SHTN1: variants seen among roughly 807,000 people sequenced by gnomAD.
SHTN1 encodes shootin-1.
Under a neutral mutation model 83.1 loss-of-function variants are expected in SHTN1, and 42 were observed. The observed-to-expected ratio is 0.51, with a 90% CI of 0.39 to 0.65. The LOEUF is 0.65. SHTN1 is among the 30% of genes least tolerant of loss of function. The pLI is 0.00. For missense variants in SHTN1, 622 were observed against 737.8 expected, an observed-to-expected ratio of 0.84 and a Z score of 1.82; for synonymous variants, 224 against 247.7, an observed-to-expected ratio of 0.90 and a Z score of 0.90.
intron 1 of SHTN1, among the ~76,000 whole-genome samples, chr10:117,121,389 C>T (rs1426219048): frequency 1.3e-5 from 2 of 151,402 alleles, no homozygotes; most frequent in Non-Finnish European, 2.9e-5. Context: ...ACCAGCCTGG[C>T]CAACATGGTG....
At chr10:117,118,993 G>GT (rs1853887978) in intron 1 of SHTN1, among the ~76,000 whole-genome samples, 1 of 152,160 alleles carries the variant, frequency 6.6e-6, no homozygotes, top group Non-Finnish European at 1.5e-5. Flanking sequence ...GAAATATTAT[G>GT]TAACCATAAA....
rs1847054199 is a variant in SHTN1, at chr10:116,882,683, C to T, written c.*3661G>A. On this transcript the variant is annotated 3_prime_UTR_variant, in exon 17 of 17. Coordinates refer to ENST00000355371, the MANE Select transcript of SHTN1 (RefSeq NM_001127211.3). The stretch of plus-strand genomic sequence containing the variant: ...TAATTTTTATTAAGCACACTGAGGA[C>T]CTCTCCTTTTAAAGAGTACTAACAA... 6.6e-6 allele frequency: 1 copy of T among 152,076 alleles called. No individual in the cohort carries two copies. The highest frequency in any genetic ancestry group is 6.6e-5 in the Admixed American group (1 of 15,264). 9.4% of individuals were successfully genotyped at this position (152,076 alleles called of 1,614,324 possible).
chr10:116,901,755 C>A lies in SHTN1; in HGVS notation c.1673+10G>T. On this transcript the variant is annotated intron_variant, in intron 16 of 16. Transcript: ENST00000355371. Reference sequence around the variant, plus strand: ...CTATACACCACTTAGTAAAGAGCATCGTTACTTACTGAAACGTAACCTTGG... The same window carrying A: ...CTATACACCACTTAGTAAAGAGCATAGTTACTTACTGAAACGTAACCTTGG... 5 of 1,579,046 alleles carry A rather than the reference C, an allele frequency of 3.2e-6. No individual in the cohort carries two copies. The highest frequency in any genetic ancestry group is 4.3e-6 in the Non-Finnish European group (5 of 1,167,614).
In SHTN1 at chr10:117,048,793, T is replaced by C. The variant is rs184970812; in HGVS notation, c.-188-283A>G. Among the ~76,000 whole-genome samples the C allele has an allele frequency of 2.6e-3, 398 of 152,290 alleles. 2 individuals carry two copies. Among genetic ancestry groups the C allele is most frequent in the African/African-American group, 8.8e-3 (365 of 41,558 alleles). Reference sequence around the variant, plus strand: ...TGCATGCCAGGTAATACCCAGCCATTAGCACTAATTATCATGTTTCAGACA... The same window carrying C: ...TGCATGCCAGGTAATACCCAGCCATCAGCACTAATTATCATGTTTCAGACA... On this transcript the variant is annotated intron_variant, in intron 1 of 17. Transcript: ENST00000392901.
intron 1 of SHTN1, among the ~76,000 whole-genome samples, chr10:117,063,618 G>A (rs1157067034): frequency 6.6e-6 from 1 of 152,066 alleles, no homozygotes; most frequent in Non-Finnish European, 1.5e-5. Context: ...TTGCTCTTGA[G>A]AAAAATGCAA....
chr10:116,886,611 G>C (rs1192386858), intron 16 of SHTN1, 45 bp from the exon 17 acceptor site: 3 of 1,606,618 alleles, frequency 1.9e-6, no homozygotes, highest in South Asian at 1.1e-5. Flanking sequence ...AGCAGAGAGA[G>C]AAAATAGTTG....
rs1046904417 is a variant in SHTN1 at position 117,041,576 on chromosome 10, G to C, written c.-123+6869C>G. 2.6e-5 allele frequency among the ~76,000 whole-genome samples: 4 copies of C among 152,128 alleles called. 1 individual carries two copies. Among genetic ancestry groups the C allele is most frequent in the African/African-American group, 7.2e-5 (3 of 41,432 alleles). ...GCATATACACAGGCTTATAGTTCAA[G>C]AGGGAAAGGAGGTTCACTGGTTTAA... is the stretch of plus-strand genomic sequence containing the variant. On this transcript the variant is annotated intron_variant, in intron 2 of 17. Transcript: ENST00000392901.
rs368616557 is a variant in SHTN1 at position 117,048,108 on chromosome 10, C to A, written c.-123+337G>T. 1.3e-4 allele frequency among the ~76,000 whole-genome samples: 20 copies of A among 152,036 alleles called. No homozygotes were observed. In the East Asian group the frequency reaches 2.1e-3, roughly 16 times the overall value. Reference sequence around the variant, plus strand: ...GTGAAAAGAGGGATCCATAAGTCATCACATATATAAACAAACCCGAATAGT... The same window carrying A: ...GTGAAAAGAGGGATCCATAAGTCATAACATATATAAACAAACCCGAATAGT... On this transcript the variant is annotated intron_variant, in intron 2 of 17. Transcript: ENST00000392901.
At chr10:116,999,554 T>G (rs534075665) in intron 1 of SHTN1, among the ~76,000 whole-genome samples, 5 of 152,216 alleles carry the variant, frequency 3.3e-5, no homozygotes, top group African/African-American at 1.2e-4. Context: ...GATAGAATAG[T>G]TAATTGTACT....
At chr10:117,118,363 CAAAAAAAAAAAAAAAA>C (rs57432703) in intron 1 of SHTN1, among the ~76,000 whole-genome samples, 1 of 118,456 alleles carries the variant, frequency 8.4e-6, no homozygotes, top group Non-Finnish European at 1.7e-5. Flanking sequence ...TAATCCATTT[CAAAAAAAAAAAAAAAA>C]AAAAAAAAAC....
At position 117,088,355 on chromosome 10, in the gene SHTN1, T is replaced by C. The variant is rs1612710; in HGVS notation, c.-189+37952A>G. On this transcript the variant is annotated intron_variant, in intron 1 of 17. Coordinates refer to the SHTN1 transcript ENST00000392901. ...CTGATTAAAATTTAGAAATGTTTTGTTATAAGGCATTGCCTAAATATTGGT... is the reference window on the plus strand; with the variant it reads ...CTGATTAAAATTTAGAAATGTTTTGCTATAAGGCATTGCCTAAATATTGGT... Among the ~76,000 whole-genome samples the C allele has an allele frequency of 6.0e-4, 92 of 152,354 alleles. 1 individual carries two copies. Among genetic ancestry groups the C allele is most frequent in the African/African-American group, 2.1e-3 (88 of 41,590 alleles).
intron 10 of SHTN1, among the ~76,000 whole-genome samples, chr10:116,928,145 A>C (rs1351643885): frequency 4.6e-5 from 7 of 152,196 alleles, no homozygotes. Flanking sequence ...GAAAAGAAAA[A>C]AATTAAAAAC....
intron 2 of SHTN1, among the ~76,000 whole-genome samples, chr10:117,040,245 G>A (rs778925438): frequency 2.2e-4 from 33 of 152,110 alleles, no homozygotes; most frequent in Non-Finnish European, 3.4e-4. Flanking sequence ...TTAAGAAGAA[G>A]AATGGAGGAC....
chr10:116,908,699 T>C (rs1038314548), intron 14 of SHTN1, among the ~76,000 whole-genome samples: 1 of 152,234 alleles, frequency 6.6e-6, no homozygotes, highest in Non-Finnish European at 1.5e-5. Flanking sequence ...CATACATACA[T>C]ACATACCTTT....
chr10:116,899,036 A>G (rs1015359089), intron 16 of SHTN1, among the ~76,000 whole-genome samples: 7 of 152,174 alleles, frequency 4.6e-5, no homozygotes, highest in Admixed American at 3.9e-4. Flanking sequence ...TCTTACGCAG[A>G]TCATACTGAA....
At chr10:116,979,371 G>T in intron 1 of SHTN1, 63 bp from the exon 2 acceptor site, 1 of 1,308,382 alleles carries the variant, frequency 7.6e-7, no homozygotes, top group Non-Finnish European at 1.1e-6. Flanking sequence ...GGCAACCTGG[G>T]GAATCCAACT....
chr10:117,094,532 C>T (rs1302037208), intron 1 of SHTN1, among the ~76,000 whole-genome samples: 2 of 152,138 alleles, frequency 1.3e-5, no homozygotes, highest in East Asian at 3.9e-4. Flanking sequence ...TTCTTTAGAA[C>T]ACTTGGGTCA....
At chr10:116,960,299 C>T (rs1035748293) in intron 3 of SHTN1, 69 bp from the exon 4 acceptor site, 13 of 850,776 alleles carry the variant, frequency 1.5e-5, no homozygotes, top group Middle Eastern at 2.2e-4. Flanking sequence ...GCCCACGCAT[C>T]GTCCCATGAT....
intron 2 of SHTN1, among the ~76,000 whole-genome samples, chr10:117,026,714 G>A (rs776822284): frequency 2.6e-5 from 4 of 152,136 alleles, no homozygotes; most frequent in Non-Finnish European, 4.4e-5. Flanking sequence ...GAGCCACCAC[G>A]CCTGGTCAAA....
Sources: allele counts gnomAD v4.1 joint callset (sites outside exome capture counted in the v4.1 genomes callset), GRCh38; gene constraint gnomAD v4.1.1; transcripts MANE v1.5; gene names NCBI Gene and HGNC (gene_info 2026-07-23, HGNC 2026-07-21).